Variants in GALNT13 observed in about 807,000 individuals in gnomAD.
The protein encoded by GALNT13 is polypeptide N-acetylgalactosaminyltransferase 13, also known as UDP-GalNAc:polypeptide N-acetylgalactosaminyltransferase 13.
Under a neutral mutation model 64.2 loss-of-function variants are expected in GALNT13, and 28 were observed. The observed-to-expected ratio is 0.44, with a 90% CI of 0.32 to 0.60. The LOEUF (loss-of-function observed/expected upper bound fraction) is 0.60, where lower values mean the gene tolerates loss of function less well. Ranked by LOEUF, GALNT13 falls within the 20% of genes least tolerant of loss-of-function variation. GALNT13 has a pLI of 0.05. For synonymous variants in GALNT13, 214 were observed against 224.6 expected (o/e 0.95, Z 0.42); for missense variants, 577 against 669.8 (o/e 0.86, Z 1.53).
chr2:153,644,154 A>G, the GALNT13 span, among the ~76,000 whole-genome samples: 6 of 152,068 alleles, frequency 3.9e-5, no homozygotes, highest in Admixed American at 3.9e-4. Flanking sequence ...ATAGGAAACC[A>G]AAGTATCTAC....
chr2:154,024,189 C>T (rs1291287218), intron 3 of GALNT13, among the ~76,000 whole-genome samples: 11 of 151,886 alleles, frequency 7.2e-5, no homozygotes, highest in African/African-American at 9.7e-5. Flanking sequence ...TTGCTCTTCT[C>T]GAGGAGTATC....
chr2:154,024,067 G>A (rs572296330), intron 3 of GALNT13, among the ~76,000 whole-genome samples: 3 of 152,302 alleles, frequency 2.0e-5, no homozygotes, highest in East Asian at 3.9e-4. Flanking sequence ...GAGATCAGCT[G>A]TTAGTCTGAT....
the GALNT13 span, among the ~76,000 whole-genome samples, chr2:153,771,135 C>T: frequency 6.6e-6 from 1 of 152,162 alleles, no homozygotes; most frequent in East Asian, 1.9e-4. Context: ...TGGAAATATG[C>T]CCCAGCAATG....
At chr2:153,304,734 T>A in the GALNT13 span, among the ~76,000 whole-genome samples, 70 of 152,072 alleles carry the variant, frequency 4.6e-4, no homozygotes, top group Middle Eastern at 3.4e-3. Context: ...AAAAAATAAA[T>A]AAAATGGGCA....
chr2:153,873,239 G>C (rs929064420), intron 1 of GALNT13, among the ~76,000 whole-genome samples: 2 of 152,128 alleles, frequency 1.3e-5, no homozygotes, highest in African/African-American at 4.8e-5. Flanking sequence ...GCCTGCCCTT[G>C]TCCAGGCTGT....
At chr2:153,699,210 G>A in the GALNT13 span, among the ~76,000 whole-genome samples, 12,111 of 152,114 alleles carry the variant, frequency 0.08, 780 homozygotes, top group Admixed American at 0.18. Context: ...CAACTACATG[G>A]AAATTCAACA....
chr2:153,904,663 C>T (rs1029010332), intron 2 of GALNT13, among the ~76,000 whole-genome samples: 2 of 151,000 alleles, frequency 1.3e-5, no homozygotes, highest in African/African-American at 2.5e-5. Context: ...TGTTAATATT[C>T]ACAAGTTAGT....
the GALNT13 span, among the ~76,000 whole-genome samples, chr2:153,097,708 A>ATC: frequency 2.0e-5 from 3 of 152,084 alleles, no homozygotes; most frequent in Non-Finnish European, 4.4e-5. Flanking sequence ...GTTTCACCTA[A>ATC]TCTCACCATT....
chr2:153,092,530 T>C, the GALNT13 span, among the ~76,000 whole-genome samples: 4 of 152,198 alleles, frequency 2.6e-5, no homozygotes, highest in South Asian at 6.2e-4. Context: ...CAGTGTTTTA[T>C]AGTTTTTATT....
chr2:154,399,290 A>T (rs1272400801), intron 10 of GALNT13, among the ~76,000 whole-genome samples: 2 of 152,128 alleles, frequency 1.3e-5, no homozygotes, highest in East Asian at 1.9e-4. Context: ...GCTATGTCTT[A>T]GTCCATTAGG....
At chr2:153,641,531 G>A in the GALNT13 span, among the ~76,000 whole-genome samples, 1 of 152,106 alleles carries the variant, frequency 6.6e-6, no homozygotes, top group Non-Finnish European at 1.5e-5. Context: ...AAGCTAAGAA[G>A]CAAGCGATAC....
At chr2:153,340,715 A>C in the GALNT13 span, among the ~76,000 whole-genome samples, 1 of 152,040 alleles carries the variant, frequency 6.6e-6, no homozygotes, top group Non-Finnish European at 1.5e-5. Flanking sequence ...TTAGAGGAAA[A>C]GTTTTCAGAT....
chr2:153,133,035 ATTT>A, the GALNT13 span, among the ~76,000 whole-genome samples: 16 of 129,346 alleles, frequency 1.2e-4, no homozygotes, highest in African/African-American at 2.9e-4. Context: ...AACTGTGTTA[ATTT>A]TTTTTTTTTT....
intron 3 of GALNT13, among the ~76,000 whole-genome samples, chr2:153,978,348 A>G (rs2105149174): frequency 6.6e-6 from 1 of 152,188 alleles, no homozygotes; most frequent in Non-Finnish European, 1.5e-5. Flanking sequence ...CTGGGTATGA[A>G]TTTTTGCTTT....
rs1432311170 is a variant in GALNT13 at position 154,198,009 on chromosome 2, A to G, written c.312-44021A>G. ...CACACAAATTAAAAAAGAAAAAAAT[A>G]GCAAGTGTTGGCAAGGATGCAAATC... is the stretch of plus-strand genomic sequence containing the variant. On this transcript the variant is annotated intron_variant, in intron 4 of 12. Transcript: ENST00000392825. Among the ~76,000 whole-genome samples, 3 of 152,292 alleles carry G rather than the reference A, an allele frequency of 2.0e-5. No homozygotes were observed. In the East Asian group the frequency reaches 5.8e-4, roughly 29 times the overall value.
chr2:153,953,309 A>G (rs182523684), intron 3 of GALNT13, among the ~76,000 whole-genome samples: 73 of 152,334 alleles, frequency 4.8e-4, no homozygotes, highest in African/African-American at 1.8e-3. Context: ...AAAAAGATAC[A>G]TACATTAGTC....
In GALNT13 at chr2:154,180,223, T is replaced by A. The variant is rs1685879108; in HGVS notation, c.311+39718T>A. 2.6e-5 allele frequency among the ~76,000 whole-genome samples: 4 copies of A among 152,280 alleles called. No homozygotes were observed. The South Asian group carries it at 8.3e-4, about 32-fold the overall frequency. ...TTGTGCTTTTTATTCAGTGACTCTT[T>A]TATGCCATTTCAAAATATAAATAGA... On this transcript the variant is annotated intron_variant, in intron 4 of 12. Transcript: ENST00000392825.
At chr2:153,421,415 T>G in the GALNT13 span, 2 of 225,978 alleles carry the variant, frequency 8.9e-6, no homozygotes, top group African/African-American at 4.6e-5. Context: ...TGCTGCAAGG[T>G]GGTACTGGTG....
At position 154,291,689 on chromosome 2, in the gene GALNT13, C is replaced by G. The variant is rs1341749187; in HGVS notation, c.976-9720C>G. Among the ~76,000 whole-genome samples the G allele has an allele frequency of 2.0e-5, 3 of 152,214 alleles. No homozygotes were observed. In the South Asian group the frequency reaches 6.2e-4, roughly 31 times the overall value. ...CCTGCCCGCACCTCTCCCTCCACAC[C>G]TCCTGGCCAGACCAGGGAGCTGGCT... On this transcript the variant is annotated intron_variant, in intron 8 of 12. Coordinates refer to ENST00000392825, the MANE Select transcript of GALNT13 (RefSeq NM_052917.4).
Sources: allele counts gnomAD v4.1 joint callset (sites outside exome capture counted in the v4.1 genomes callset), GRCh38; gene constraint gnomAD v4.1.1; transcripts MANE v1.5; gene names NCBI Gene and HGNC (gene_info 2026-07-23, HGNC 2026-07-21).